AGBL4: variants seen among roughly 807,000 people sequenced by gnomAD.
AGBL4 encodes cytosolic carboxypeptidase 6.
In AGBL4, 58 loss-of-function variants were observed where a neutral mutation model predicts 66.4. That is an observed-to-expected ratio of 0.87 (90% CI 0.71 to 1.09). AGBL4 has a LOEUF of 1.09. Among genes scored for constraint, AGBL4 ranks in the 50% least tolerant of loss-of-function variants. The pLI is 0.00. For missense variants in AGBL4, 579 were observed against 631.0 expected (o/e 0.92, Z 0.88); for synonymous variants, 234 against 222.9 (o/e 1.05, Z -0.44).
chr1:49,078,938 C>A (rs1296863113), intron 4 of AGBL4, among the ~76,000 whole-genome samples: 1 of 152,182 alleles, frequency 6.6e-6, no homozygotes, highest in African/African-American at 2.4e-5. Flanking sequence ...GTCCTTACTG[C>A]AGACTTCCAA....
intron 3 of AGBL4, among the ~76,000 whole-genome samples, chr1:49,578,456 C>G (rs1644478739): frequency 6.6e-6 from 1 of 152,188 alleles, no homozygotes; most frequent in Admixed American, 6.5e-5. Flanking sequence ...AAAAGGAATA[C>G]AGAATGGGTA....
chr1:48,537,328 A>C (rs1171402720), intron 12 of AGBL4, among the ~76,000 whole-genome samples: 1 of 151,880 alleles, frequency 6.6e-6, no homozygotes. Flanking sequence ...AGTCCTCAAA[A>C]CTCTGAACTC....
At chr1:49,426,056 G>A (rs1269445245) in intron 3 of AGBL4, among the ~76,000 whole-genome samples, 2 of 152,208 alleles carry the variant, frequency 1.3e-5, no homozygotes, top group African/African-American at 4.8e-5. Context: ...TTTCATATGA[G>A]AGTGTTAAGA....
intron 1 of AGBL4, among the ~76,000 whole-genome samples, chr1:49,880,330 T>C (rs1267369679): frequency 6.6e-6 from 1 of 151,924 alleles, no homozygotes; most frequent in Non-Finnish European, 1.5e-5. Flanking sequence ...GATGTACAGA[T>C]GGGTTTTCAG....
chr1:49,560,598 A>G (rs564171547), intron 3 of AGBL4, among the ~76,000 whole-genome samples: 2 of 152,302 alleles, frequency 1.3e-5, no homozygotes, highest in African/African-American at 2.4e-5. Flanking sequence ...GAAAGATATC[A>G]ACGTCCAAGT....
At chr1:48,784,211 CTG>C (rs1393898277) in intron 6 of AGBL4, among the ~76,000 whole-genome samples, 2 of 152,168 alleles carry the variant, frequency 1.3e-5, no homozygotes, top group African/African-American at 4.8e-5. Flanking sequence ...GTGCCTGACA[CTG>C]TGGTGAGTTC....
chr1:49,823,778 A>ATGTGTGTG (rs10528873), intron 2 of AGBL4, among the ~76,000 whole-genome samples: 47,477 of 147,298 alleles, frequency 0.32, 8,892 homozygotes, highest in Non-Finnish European at 0.44. Context: ...AGGCTGCATA[A>ATGTGTGTG]TGTGTGTGTG....
intron 5 of AGBL4, among the ~76,000 whole-genome samples, chr1:49,028,194 G>C (rs893624522): frequency 1.3e-5 from 2 of 152,140 alleles, no homozygotes; most frequent in African/African-American, 4.8e-5. Context: ...CTAGCTAGAA[G>C]GTTAGAATAA....
chr1:49,426,627 T>C (rs1220564743), intron 3 of AGBL4, among the ~76,000 whole-genome samples: 1 of 152,192 alleles, frequency 6.6e-6, no homozygotes, highest in Non-Finnish European at 1.5e-5. Context: ...TTAATACTTG[T>C]TCTGTGCCTG....
intron 5 of AGBL4, among the ~76,000 whole-genome samples, chr1:49,045,147 T>G (rs1411371510): frequency 1.3e-5 from 2 of 152,176 alleles, no homozygotes; most frequent in African/African-American, 4.8e-5. Flanking sequence ...CTTGCTAACC[T>G]GTACTGCAGG....
chr1:49,638,625 A>G (rs983775903), intron 3 of AGBL4, among the ~76,000 whole-genome samples: 1 of 152,176 alleles, frequency 6.6e-6, no homozygotes. Context: ...CTGATAGAGA[A>G]TAAGTCTTAC....
At chr1:48,689,987 G>C (rs1222111301) in intron 6 of AGBL4, among the ~76,000 whole-genome samples, 1 of 152,232 alleles carries the variant, frequency 6.6e-6, no homozygotes, top group Non-Finnish European at 1.5e-5. Context: ...CCTCCTTCCT[G>C]AGTGGTTGCA....
downstream of AGBL4, among the ~76,000 whole-genome samples, chr1:48,529,075 C>G (rs910780068): frequency 6.6e-6 from 1 of 151,984 alleles, no homozygotes; most frequent in African/African-American, 2.4e-5. Context: ...ACTATTTATT[C>G]ATTCCACACT....
chr1:48,700,990 G>C (rs961439447), intron 6 of AGBL4, among the ~76,000 whole-genome samples: 3 of 152,184 alleles, frequency 2.0e-5, no homozygotes, highest in Non-Finnish European at 4.4e-5. Flanking sequence ...GAGATAAGCT[G>C]AGATCAAAAC....
At chr1:48,643,094 A>T (rs189335687) in intron 8 of AGBL4, among the ~76,000 whole-genome samples, 1 of 152,224 alleles carries the variant, frequency 6.6e-6, no homozygotes, top group Non-Finnish European at 1.5e-5. Flanking sequence ...CTAGATTGAG[A>T]TAAGTGCTAC....
chr1:49,139,533 T>C (rs1204810672), intron 4 of AGBL4, among the ~76,000 whole-genome samples: 9 of 152,276 alleles, frequency 5.9e-5, no homozygotes, highest in African/African-American at 1.2e-4. Context: ...GATCATTTCC[T>C]TTCCATACAG....
intron 5 of AGBL4, among the ~76,000 whole-genome samples, chr1:48,932,828 C>T (rs1192740877): frequency 6.6e-6 from 1 of 151,626 alleles, no homozygotes; most frequent in East Asian, 1.9e-4. Context: ...AACTCCATCA[C>T]CAAAAACAAA....
chr1:48,749,645 G>A (rs1430303717), intron 6 of AGBL4, among the ~76,000 whole-genome samples: 1 of 152,112 alleles, frequency 6.6e-6, no homozygotes, highest in Non-Finnish European at 1.5e-5. Context: ...ACATTCCTAG[G>A]GGGTCTGTGA....
intron 6 of AGBL4, among the ~76,000 whole-genome samples, chr1:48,767,454 AGATTAATGTGACAGTG>A (rs1197081577): frequency 1.3e-5 from 2 of 152,238 alleles, no homozygotes; most frequent in African/African-American, 2.4e-5. Flanking sequence ...TGTTTTAGGA[AGATTAATGTGACAGTG>A]GCAAGCAAGA....
Sources: allele counts gnomAD v4.1 joint callset (sites outside exome capture counted in the v4.1 genomes callset), GRCh38; gene constraint gnomAD v4.1.1; transcripts MANE v1.5; gene names NCBI Gene and HGNC (gene_info 2026-07-23, HGNC 2026-07-21).